RIMBP2: variants seen among roughly 807,000 people sequenced by gnomAD.
The protein encoded by RIMBP2 is RIMS binding protein 2.
Under a neutral mutation model 118.6 loss-of-function variants are expected in RIMBP2, and 48 were observed. The ratio of observed to expected loss-of-function variants is 0.40; its 90% CI spans 0.32 to 0.51. The LOEUF (loss-of-function observed/expected upper bound fraction) is 0.51. RIMBP2 is among the 20% of genes least tolerant of loss of function. The pLI is 0.41. For missense variants in RIMBP2, 1,551 were observed against 1,768.3 expected, an observed-to-expected ratio of 0.88 and a Z score of 2.20; for synonymous variants, 762 against 742.9, an observed-to-expected ratio of 1.03 and a Z score of -0.42.
chr12:130,439,390 GATGCATGT>G, intron 11 of RIMBP2, among the ~76,000 whole-genome samples: 1 of 148,646 alleles, frequency 6.7e-6, no homozygotes, highest in Non-Finnish European at 1.5e-5. Context: ...TGTGTATGTG[GATGCATGT>G]GTATGTATAT....
Position 130,419,838 on chromosome 12 carries a change from A to G in RIMBP2, c.3238+2615T>C, listed in dbSNP as rs1239459562. The G allele has an allele frequency of 6.6e-6, 1 of 152,228 alleles. No homozygotes were observed. Among genetic ancestry groups the G allele is most frequent in the Non-Finnish European group, 1.5e-5 (1 of 68,046 alleles). The allele number at this position is 152,228 out of a possible 1,614,324, so 9.4% of individuals were successfully genotyped here. ...CAACTAGATAAATGCAAAGACCAAA[A>G]GTTATAAAGGATAAAAATCAAACCT... On this transcript the variant is annotated intron_variant, in intron 17 of 22. Transcript: ENST00000690449. This position sits in a 1 kb window ranked among gnomAD's most constrained non-coding sequence, Gnocchi z 4.3.
intron 4 of RIMBP2, among the ~76,000 whole-genome samples, chr12:130,497,003 A>T (rs1261879391): frequency 6.6e-6 from 1 of 152,088 alleles, no homozygotes; most frequent in African/African-American, 2.4e-5. Flanking sequence ...ACCCTCCGAA[A>T]GCTCCAGGGC....
intron 1 of RIMBP2, among the ~76,000 whole-genome samples, chr12:130,629,289 T>C (rs1191047802): frequency 1.3e-5 from 2 of 152,194 alleles, no homozygotes; most frequent in African/African-American, 2.4e-5. Flanking sequence ...ATGGTCAAAA[T>C]TCAATTTATT....
intron 1 of RIMBP2, among the ~76,000 whole-genome samples, chr12:130,653,146 C>G (rs1282517787): frequency 6.6e-6 from 1 of 152,228 alleles, no homozygotes; most frequent in Non-Finnish European, 1.5e-5. Context: ...CCAGCATTTA[C>G]TCAGAAGTCC....
intron 2 of RIMBP2, among the ~76,000 whole-genome samples, chr12:130,601,037 G>T (rs1211480057): frequency 6.6e-6 from 1 of 152,130 alleles, no homozygotes; most frequent in Non-Finnish European, 1.5e-5. Flanking sequence ...TCCTGCCAGG[G>T]TGCTGACTGC....
At chr12:130,664,447 G>GCACGCACGCACA (rs2063823662) in intron 1 of RIMBP2, among the ~76,000 whole-genome samples, 16 of 122,506 alleles carry the variant, frequency 1.3e-4, no homozygotes, top group East Asian at 1.0e-3. Flanking sequence ...ACGCACACAC[G>GCACGCACGCACA]CACACACATG....
chr12:130,461,677 G>A (rs2080006707), intron 6 of RIMBP2, among the ~76,000 whole-genome samples: 2 of 152,042 alleles, frequency 1.3e-5, no homozygotes, highest in African/African-American at 4.8e-5. Context: ...TTGCCATAAT[G>A]AGCAGGCTAA....
chr12:130,651,746 A>T (rs1291229745), intron 1 of RIMBP2, among the ~76,000 whole-genome samples: 5 of 152,270 alleles, frequency 3.3e-5, no homozygotes, highest in East Asian at 1.9e-4. Flanking sequence ...TGAATTTAAC[A>T]CATTTCACAT....
chr12:130,660,579 GCA>G, intron 1 of RIMBP2: 1 of 152,216 alleles, frequency 6.6e-6, no homozygotes, highest in East Asian at 2.0e-4. Flanking sequence ...GGGCTGGTGA[GCA>G]CAGACTCCAG....
At chr12:130,640,365 C>T (rs1185797425) in intron 1 of RIMBP2, among the ~76,000 whole-genome samples, 1 of 152,218 alleles carries the variant, frequency 6.6e-6, no homozygotes, top group Non-Finnish European at 1.5e-5. Context: ...ATGTATGGAA[C>T]CTTCCATCAC....
At chr12:130,560,977 G>A (rs1298790812) in intron 2 of RIMBP2, among the ~76,000 whole-genome samples, 2 of 152,204 alleles carry the variant, frequency 1.3e-5, no homozygotes, top group Non-Finnish European at 2.9e-5. Flanking sequence ...GTGGGCCCCT[G>A]ACTTAATATG....
intron 4 of RIMBP2, among the ~76,000 whole-genome samples, chr12:130,480,890 C>G (rs543571514): frequency 6.6e-5 from 10 of 152,198 alleles, no homozygotes; most frequent in Non-Finnish European, 1.0e-4. Context: ...CGTGAGCCAC[C>G]GCGCCCGACC....
At chr12:130,505,688 G>T (rs1326958508) in intron 4 of RIMBP2, among the ~76,000 whole-genome samples, 1 of 48,682 alleles carries the variant, frequency 2.1e-5, no homozygotes, top group East Asian at 7.1e-4. Flanking sequence ...CCCTGGAGGG[G>T]TCACTCCTCG....
At chr12:130,445,074 G>T in intron 10 of RIMBP2, 86 bp downstream of exon 10, 2 of 824,022 alleles carry the variant, frequency 2.4e-6, no homozygotes, top group Non-Finnish European at 3.8e-6. Context: ...TGGGAGCCCT[G>T]CCTATCTATC....
intron 2 of RIMBP2, among the ~76,000 whole-genome samples, chr12:130,600,402 G>A (rs181154137): frequency 7.2e-5 from 11 of 152,226 alleles, no homozygotes; most frequent in African/African-American, 2.6e-4. Context: ...CCGGAAGGAT[G>A]TCAGCCCCAA....
At chr12:130,397,743 T>C (rs2074171914) in intron 22 of RIMBP2, 194 bp from the exon 23 acceptor site, 3 of 378,194 alleles carry the variant, frequency 7.9e-6, no homozygotes, top group Non-Finnish European at 1.4e-5. Flanking sequence ...CAGACATAAA[T>C]GTGTGGGTTC....
chr12:130,679,653 TATGG>T (rs1373959367), intron 1 of RIMBP2, among the ~76,000 whole-genome samples: 1 of 152,192 alleles, frequency 6.6e-6, no homozygotes, highest in African/African-American at 2.4e-5. Flanking sequence ...CCCTTTTCTC[TATGG>T]ATACTGGGCT....
At chr12:130,656,705 T>G (rs1365238719) in intron 1 of RIMBP2, among the ~76,000 whole-genome samples, 1 of 152,094 alleles carries the variant, frequency 6.6e-6, no homozygotes, top group Non-Finnish European at 1.5e-5. Flanking sequence ...TTTCTAAAAT[T>G]TTTATGTTAT....
chr12:130,566,013 G>A (rs1015163905), intron 2 of RIMBP2, among the ~76,000 whole-genome samples: 38 of 152,296 alleles, frequency 2.5e-4, no homozygotes, highest in African/African-American at 8.4e-4. Context: ...AGTTCCTAAC[G>A]AGAACTATGC....
Sources: gnomAD v4.1 joint callset for allele counts (sites outside exome capture counted in the v4.1 genomes callset) on GRCh38, gnomAD v4.1.1 for gene constraint, Gnocchi (gnomAD v3.1) non-coding constraint, MANE v1.5 for transcripts, NCBI Gene and HGNC (gene_info 2026-07-23, HGNC 2026-07-21) for gene names.